EPB41: variants seen among roughly 807,000 people sequenced by gnomAD.
EPB41 encodes the protein erythrocyte membrane protein band 4.1, also known as protein 4.1.
In EPB41, 65 loss-of-function variants were observed where a neutral mutation model predicts 108.0. The ratio of observed to expected loss-of-function variants is 0.60; its 90% CI spans 0.49 to 0.74. The LOEUF (loss-of-function observed/expected upper bound fraction) is 0.74, where lower values mean the gene tolerates loss of function less well. Among genes scored for constraint, EPB41 ranks in the 30% least tolerant of loss-of-function variants. The pLI is 0.00. For synonymous variants in EPB41, 336 were observed against 358.9 expected, an observed-to-expected ratio of 0.94 and a Z score of 0.72; for missense variants, 875 against 1,037.0, an observed-to-expected ratio of 0.84 and a Z score of 2.15.
chr1:29,063,494 T>C (rs1646875610), intron 15 of EPB41, among the ~76,000 whole-genome samples: 1 of 152,246 alleles, frequency 6.6e-6, no homozygotes, highest in African/African-American at 2.4e-5. Context: ...GTCTCACTGA[T>C]TATTCTTCTT....
intron 16 of EPB41, among the ~76,000 whole-genome samples, chr1:29,080,095 A>G (rs930640208): frequency 8.8e-6 from 1 of 113,824 alleles, no homozygotes; most frequent in Non-Finnish European, 1.8e-5. Flanking sequence ...AGATAAAGCA[A>G]CATTATTTAT....
At chr1:29,043,776 A>T (rs1642356248) in intron 11 of EPB41, among the ~76,000 whole-genome samples, 1 of 152,210 alleles carries the variant, frequency 6.6e-6, no homozygotes, top group Admixed American at 6.5e-5. Flanking sequence ...ACAGCTGAAT[A>T]GTCCATTGAA....
chr1:29,068,219 A>C (rs761943458), intron 16 of EPB41, among the ~76,000 whole-genome samples: 3 of 152,232 alleles, frequency 2.0e-5, no homozygotes, highest in Admixed American at 6.5e-5. Context: ...TATTTCACCC[A>C]GTTAACCCTA....
Position 29,117,849 on chromosome 1 carries a change from C to T in EPB41, c.*1037C>T, listed in dbSNP as rs937706456. ...TCAGAGAAGGGTTTTTCTTTTTTGA[C>T]CTTTCTTCTCTCAACAGGAACCTGC... On this transcript the variant is annotated 3_prime_UTR_variant, in exon 21 of 21. Transcript: ENST00000343067. 1 of 152,538 alleles carries T rather than the reference C, an allele frequency of 6.6e-6. No individual in the cohort carries two copies. The highest frequency in any genetic ancestry group is 1.5e-5 in the Non-Finnish European group (1 of 68,040). 9.4% of individuals were successfully genotyped at this position (152,538 alleles called of 1,614,324 possible). A position where few individuals can be genotyped will look rare whatever the true frequency, so the allele number is the denominator to read the frequency against.
At chr1:28,954,671 A>T (rs2094874798) in intron 1 of EPB41, among the ~76,000 whole-genome samples, 1 of 152,196 alleles carries the variant, frequency 6.6e-6, no homozygotes, top group Admixed American at 6.5e-5. Flanking sequence ...AGGGTTTAAA[A>T]ATCTTTCACT....
At chr1:29,055,502 G>A (rs1229285057) in intron 12 of EPB41, among the ~76,000 whole-genome samples, 1 of 152,048 alleles carries the variant, frequency 6.6e-6, no homozygotes, top group African/African-American at 2.4e-5. Flanking sequence ...AGTGCCAATA[G>A]GGGGTCTTTG....
Position 29,010,879 on chromosome 1 carries a change from G to C in EPB41, c.787-986G>C, listed in dbSNP as rs890585609. Among the ~76,000 whole-genome samples, 3 of 152,264 alleles carry C rather than the reference G, an allele frequency of 2.0e-5. No homozygotes were observed. In the East Asian group the frequency reaches 5.8e-4, roughly 29 times the overall value. On this transcript the variant is annotated intron_variant, in intron 4 of 20. Transcript: ENST00000343067. Reference sequence around the variant, plus strand: ...TATAATCCCAGCACTTTGGGAGGCCGAGCCGGGCAGATCACCTGAGGTCAG... The same window carrying C: ...TATAATCCCAGCACTTTGGGAGGCCCAGCCGGGCAGATCACCTGAGGTCAG...
intron 1 of EPB41, among the ~76,000 whole-genome samples, chr1:28,967,194 A>G (rs1571570457): frequency 1.3e-5 from 2 of 151,642 alleles, no homozygotes; most frequent in East Asian, 3.9e-4. Context: ...AAGTTTTTGT[A>G]TTTTTAGTAG....
At chr1:29,043,025 G>A (rs1477425413) in intron 11 of EPB41, among the ~76,000 whole-genome samples, 1 of 151,894 alleles carries the variant, frequency 6.6e-6, no homozygotes, top group Non-Finnish European at 1.5e-5. Context: ...TTTTCCTATG[G>A]GCCAGATGGT....
In EPB41 at chr1:29,110,172, CAA is replaced by C. The variant is rs1255953565; in HGVS notation, c.2415+741_2415+742del. On this transcript the variant is annotated intron_variant, in intron 18 of 20. Coordinates refer to ENST00000343067, the MANE Select transcript of EPB41 (RefSeq NM_001376013.1). The stretch of plus-strand genomic sequence containing the variant: ...GCAACATAGTGAAACCTCATCTGTA[CAA>C]AAAAATACAAAAAAAAAAAAATGTG... Among the ~76,000 whole-genome samples the C allele has an allele frequency of 6.4e-5, 4 of 62,448 alleles. No homozygotes were observed. In the East Asian group the frequency reaches 1.1e-3, roughly 17 times the overall value. The allele number at this position is 62,448 out of a possible 152,430, so 41.0% of individuals were successfully genotyped here.
intron 1 of EPB41, among the ~76,000 whole-genome samples, chr1:28,960,640 G>A (rs1044406952): frequency 6.6e-6 from 1 of 151,854 alleles, no homozygotes; most frequent in Admixed American, 6.6e-5. Flanking sequence ...TGTGGTAGGA[G>A]GATCATTTGA....
intron 17 of EPB41, among the ~76,000 whole-genome samples, chr1:29,104,676 C>T (rs779086486): frequency 2.6e-5 from 4 of 152,196 alleles, no homozygotes; most frequent in South Asian, 4.1e-4. Flanking sequence ...GTCTGCCTTC[C>T]GGGTTCAAGC....
At chr1:29,004,976 C>G (rs2096373466) in intron 4 of EPB41, among the ~76,000 whole-genome samples, 1 of 152,170 alleles carries the variant, frequency 6.6e-6, no homozygotes, top group Non-Finnish European at 1.5e-5. Context: ...TAGCTGATGA[C>G]TAACTCGGGG....
intron 4 of EPB41, among the ~76,000 whole-genome samples, chr1:28,997,634 G>A (rs962587768): frequency 2.0e-5 from 3 of 151,972 alleles, no homozygotes; most frequent in African/African-American, 7.3e-5. Context: ...TTATGCAATT[G>A]GTATTGTATC....
intron 16 of EPB41, among the ~76,000 whole-genome samples, chr1:29,095,070 AT>A (rs1558296334): frequency 6.6e-6 from 1 of 152,070 alleles, no homozygotes; most frequent in African/African-American, 2.4e-5. Flanking sequence ...CATAGATGCA[AT>A]TTTTTTTCCA....
intron 17 of EPB41, among the ~76,000 whole-genome samples, chr1:29,105,851 G>A (rs1047067598): frequency 1.3e-5 from 2 of 148,268 alleles, no homozygotes; most frequent in African/African-American, 5.0e-5. Flanking sequence ...TGGTTCAAGC[G>A]ATCCTCCTGC....
Position 29,094,150 on chromosome 1 carries a change from C to T in EPB41, c.2185-3657C>T, listed in dbSNP as rs1461383054. Among the ~76,000 whole-genome samples, 4 of 152,008 alleles carry T rather than the reference C, an allele frequency of 2.6e-5. No individual in the cohort carries two copies. The South Asian group carries it at 6.2e-4, about 24-fold the overall frequency. The stretch of plus-strand genomic sequence containing the variant: ...CATTGCTTGTTTTTGTCAGCTTTGT[C>T]GAGGTTCAGATAGTTGTAGGTGTGT... On this transcript the variant is annotated intron_variant, in intron 16 of 20. Transcript: ENST00000343067.
At chr1:28,902,419 CT>C in intron 1 of EPB41, 1 of 980,518 alleles carries the variant, frequency 1.0e-6, no homozygotes. Context: ...GAGGATTGAG[CT>C]TTTTGTTTTT....
rs1671412514 is a variant in EPB41, at chr1:29,118,885, T to C, written c.*2073T>C. Reference sequence around the variant, plus strand: ...TTACATCAAACGAACATGTAGTGCATGCCCACTGCCTGATGGCCAGATGGC... The same window carrying C: ...TTACATCAAACGAACATGTAGTGCACGCCCACTGCCTGATGGCCAGATGGC... On this transcript the variant is annotated 3_prime_UTR_variant, in exon 21 of 21. Coordinates refer to ENST00000343067, the MANE Select transcript of EPB41 (RefSeq NM_001376013.1). 1 of 152,276 alleles carries C rather than the reference T, an allele frequency of 6.6e-6. No individual in the cohort carries two copies. The highest frequency in any genetic ancestry group is 2.4e-5 in the African/African-American group (1 of 41,452). 9.4% of individuals were successfully genotyped at this position (152,276 alleles called of 1,614,324 possible). A position where few individuals can be genotyped will look rare whatever the true frequency, so the allele number is the denominator to read the frequency against.
Sources: gnomAD v4.1 joint callset for allele counts (sites outside exome capture counted in the v4.1 genomes callset) on GRCh38, gnomAD v4.1.1 for gene constraint, MANE v1.5 for transcripts, NCBI Gene and HGNC (gene_info 2026-07-23, HGNC 2026-07-21) for gene names.